The following ZNF562 variants were observed in gnomAD, a reference collection of about 807,000 sequenced individuals.
ZNF562 encodes zinc finger protein 562.
A neutral mutation model predicts 17.5 loss-of-function variants in ZNF562; 13 were observed. The ratio of observed to expected loss-of-function variants is 0.74; its 90% CI spans 0.48 to 1.18. The LOEUF is 1.18. Ranked by LOEUF, ZNF562 falls within the 50% of genes most tolerant of loss-of-function variation. The pLI is 0.00. For synonymous variants in ZNF562, 163 were observed against 165.4 expected, an observed-to-expected ratio of 0.99 and a Z score of 0.11; for missense variants, 481 against 498.5, an observed-to-expected ratio of 0.96 and a Z score of 0.33.
At position 9,642,216 on chromosome 19, in the gene ZNF562, C is replaced by T. The variant is rs1278856363; in HGVS notation, c.*10733G>A. 1 of 150,992 alleles carries T rather than the reference C, an allele frequency of 6.6e-6. No individual in the cohort carries two copies. Among genetic ancestry groups the T allele is most frequent in the African/African-American group, 2.4e-5 (1 of 40,972 alleles). 9.4% of individuals were successfully genotyped at this position (150,992 alleles called of 1,614,324 possible). A position where few individuals can be genotyped will look rare whatever the true frequency, so the allele number is the denominator to read the frequency against. On this transcript the variant is annotated 3_prime_UTR_variant, in exon 6 of 6. Coordinates refer to ENST00000453372, the MANE Select transcript of ZNF562 (RefSeq NM_001130031.2). ...CAAGGGCGGGGGGATGTCACAATGG[C>T]TTGACCATGGTATGGCCAGCTCAGA...
Position 9,650,292 on chromosome 19 carries a change from T to C in ZNF562, c.*2657A>G, listed in dbSNP as rs1420075793. On this transcript the variant is annotated 3_prime_UTR_variant, in exon 6 of 6. Transcript: ENST00000453372. ...AGTCCAAAGTACTTAATATGATTCTTTTCTCTTTCCACATAGAGAATCAGA... is the reference window on the plus strand; with the variant it reads ...AGTCCAAAGTACTTAATATGATTCTCTTCTCTTTCCACATAGAGAATCAGA... 1 of 151,966 alleles carries C rather than the reference T, an allele frequency of 6.6e-6. No individual in the cohort carries two copies. The highest frequency in any genetic ancestry group is 3.2e-3 in the Middle Eastern group (1 of 316). The allele number at this position is 151,966 out of a possible 1,614,324, so 9.4% of individuals were successfully genotyped here. A position where few individuals can be genotyped will look rare whatever the true frequency, so the allele number is the denominator to read the frequency against.
intron 4 of ZNF562, among the ~76,000 whole-genome samples, chr19:9,657,596 G>T (rs1459772005): frequency 6.6e-6 from 1 of 150,458 alleles, no homozygotes; most frequent in Non-Finnish European, 1.5e-5. Context: ...CACCAGGCTG[G>T]AGTGCAGTGG....
At chr19:9,660,638 C>T in intron 2 of ZNF562, 82 bp downstream of exon 2, 1 of 1,387,696 alleles carries the variant, frequency 7.2e-7, no homozygotes, top group Non-Finnish European at 9.9e-7. Context: ...CATGCCTGTT[C>T]AGGCCCAGCT....
At chr19:9,656,445 G>GT in intron 5 of ZNF562, 102 bp downstream of exon 5, 1 of 1,283,078 alleles carries the variant, frequency 7.8e-7, no homozygotes, top group Non-Finnish European at 1.1e-6. Context: ...GGAGTTGGAG[G>GT]TTGCGGTGAG....
chr19:9,668,427 C>T lies in ZNF562; in HGVS notation c.-131+6588G>A, dbSNP rs199613471. 1.3e-4 allele frequency among the ~76,000 whole-genome samples: 19 copies of T among 151,802 alleles called. No individual in the cohort carries two copies. The East Asian group carries it at 1.9e-3, about 15-fold the overall frequency. On this transcript the variant is annotated intron_variant, in intron 1 of 5. Coordinates refer to ENST00000453372, the MANE Select transcript of ZNF562 (RefSeq NM_001130031.2). ...TAACCAAAAATGTGAAGGAGCTATA[C>T]AAGGAAAACTATAAAACACTGATGA...
At chr19:9,665,790 G>A (rs913249469) in intron 1 of ZNF562, among the ~76,000 whole-genome samples, 2 of 152,098 alleles carry the variant, frequency 1.3e-5, no homozygotes, top group East Asian at 1.9e-4. Flanking sequence ...CGACACAGGT[G>A]GATGGCTTGA....
intron 1 of ZNF562, among the ~76,000 whole-genome samples, chr19:9,666,590 G>A (rs1358170642): frequency 6.6e-6 from 1 of 151,144 alleles, no homozygotes; most frequent in South Asian, 2.1e-4. Context: ...CAATACAGAA[G>A]ATCAATAAAA....
At chr19:9,662,232 T>C (rs1599298152) in intron 1 of ZNF562, among the ~76,000 whole-genome samples, 1 of 152,198 alleles carries the variant, frequency 6.6e-6, no homozygotes, top group Admixed American at 6.5e-5. Context: ...ACGTGTGTTA[T>C]TGATAACTTC....
Position 9,643,399 on chromosome 19 carries a change from C to T in ZNF562, c.*9550G>A, listed in dbSNP as rs1428340678. ...AAAAAAAAAATGTGTCTGAAAGGGTCTTGAGCATCCCTCTGGGCAAATTCC... is the reference window on the plus strand; with the variant it reads ...AAAAAAAAAATGTGTCTGAAAGGGTTTTGAGCATCCCTCTGGGCAAATTCC... On this transcript the variant is annotated 3_prime_UTR_variant, in exon 6 of 6. Transcript: ENST00000453372. 1 of 151,906 alleles carries T rather than the reference C, an allele frequency of 6.6e-6. No individual in the cohort carries two copies. The highest frequency in any genetic ancestry group is 1.5e-5 in the Non-Finnish European group (1 of 67,974). 9.4% of individuals were successfully genotyped at this position (151,906 alleles called of 1,614,324 possible). A position where few individuals can be genotyped will look rare whatever the true frequency, so the allele number is the denominator to read the frequency against.
intron 5 of ZNF562, among the ~76,000 whole-genome samples, chr19:9,655,939 G>T (rs2043465725): frequency 6.6e-6 from 1 of 151,668 alleles, no homozygotes; most frequent in South Asian, 2.1e-4. Flanking sequence ...CACCATGTTG[G>T]CCAGGCCTGT....
intron 2 of ZNF562, among the ~76,000 whole-genome samples, chr19:9,660,059 A>C (rs896970039): frequency 3.1e-5 from 4 of 128,062 alleles, no homozygotes; most frequent in Non-Finnish European, 6.3e-5. Flanking sequence ...ACTGCACTTC[A>C]GCCTGGGTGA....
Position 9,647,196 on chromosome 19 carries a change from C to T in ZNF562, c.*5753G>A, listed in dbSNP as rs139578854. On this transcript the variant is annotated 3_prime_UTR_variant, in exon 6 of 6. Coordinates refer to ENST00000453372, the MANE Select transcript of ZNF562 (RefSeq NM_001130031.2). ...TCAGGGGTTCAAGAGATTCTCCTGCCTCAGCCTCCTGAGTAGCTGGGATTA... is the reference window on the plus strand; with the variant it reads ...TCAGGGGTTCAAGAGATTCTCCTGCTTCAGCCTCCTGAGTAGCTGGGATTA... The T allele has an allele frequency of 4.3e-4, 66 of 152,114 alleles. No individual in the cohort carries two copies. Among genetic ancestry groups the T allele is most frequent in the African/African-American group, 1.5e-3 (61 of 41,436 alleles). 9.4% of individuals were successfully genotyped at this position (152,114 alleles called of 1,614,324 possible).
At chr19:9,664,865 G>T (rs1357325471) in intron 1 of ZNF562, among the ~76,000 whole-genome samples, 1 of 151,964 alleles carries the variant, frequency 6.6e-6, no homozygotes, top group Non-Finnish European at 1.5e-5. Context: ...GAAAAGAAAA[G>T]AAAATATCTC....
At chr19:9,672,517 A>G (rs970462076) in intron 1 of ZNF562, among the ~76,000 whole-genome samples, 1 of 152,182 alleles carries the variant, frequency 6.6e-6, no homozygotes, top group Non-Finnish European at 1.5e-5. Context: ...AGTTTTCCTT[A>G]GGATCAAATT....
At chr19:9,668,753 A>AT (rs1491536366) in intron 1 of ZNF562, among the ~76,000 whole-genome samples, 3 of 152,180 alleles carry the variant, frequency 2.0e-5, no homozygotes, top group African/African-American at 7.2e-5. Flanking sequence ...TGGTACTGAC[A>AT]TAAAAAAAAC....
intron 2 of ZNF562, among the ~76,000 whole-genome samples, chr19:9,660,477 T>C (rs2043693626): frequency 6.6e-6 from 1 of 151,388 alleles, no homozygotes; most frequent in South Asian, 2.1e-4. Context: ...AATACAAAAT[T>C]AGCCTGTGGT....
intron 1 of ZNF562, among the ~76,000 whole-genome samples, chr19:9,669,776 A>ACACAAC (rs1555699562): frequency 7.0e-6 from 1 of 143,080 alleles, no homozygotes; most frequent in African/African-American, 2.8e-5. Context: ...ACACACACAC[A>ACACAAC]ACCAGTCAGG....
intron 5 of ZNF562, 111 bp from the exon 6 acceptor site, chr19:9,653,992 A>ATTTTTTT: frequency 2.0e-6 from 2 of 1,007,106 alleles, no homozygotes; most frequent in African/African-American, 3.6e-5. Flanking sequence ...TTAATGTTTA[A>ATTTTTTT]TTTTTTTTTT....
intron 2 of ZNF562, among the ~76,000 whole-genome samples, chr19:9,659,743 A>G (rs952031321): frequency 1.3e-5 from 2 of 151,742 alleles, no homozygotes; most frequent in Admixed American, 1.3e-4. Flanking sequence ...TAGTAGTAAC[A>G]CTCATGAAGC....
Sources: gnomAD v4.1 joint callset for allele counts (sites outside exome capture counted in the v4.1 genomes callset) on GRCh38, gnomAD v4.1.1 for gene constraint, MANE v1.5 for transcripts, NCBI Gene and HGNC (gene_info 2026-07-23, HGNC 2026-07-21) for gene names.